PHACTR2: variants seen among roughly 807,000 people sequenced by gnomAD.
The protein encoded by PHACTR2 is phosphatase and actin regulator 2.
In PHACTR2, 30 loss-of-function variants were observed where a neutral mutation model predicts 76.0. The observed-to-expected ratio is 0.39, with a 90% CI of 0.30 to 0.54. The LOEUF is 0.54. Among genes scored for constraint, PHACTR2 ranks in the 20% least tolerant of loss-of-function variants. The pLI is 0.61. For missense variants in PHACTR2, 696 were observed against 781.1 expected (o/e 0.89, Z 1.30); for synonymous variants, 292 against 292.5 (o/e 1.00, Z 0.02).
In PHACTR2 at chr6:143,618,441, C is replaced by T. The variant is rs146170188; in HGVS notation, c.13+10119C>T. ...AATATATGCTTTCTAATAGAAACAG[C>T]GCAATTTAGTAAAACCATCTTTTAC... On this transcript the variant is annotated intron_variant, in intron 1 of 11. Transcript: ENST00000305766. This position sits in a 1 kb window ranked among gnomAD's most constrained non-coding sequence, Gnocchi z 5.2. 1.4e-4 allele frequency among the ~76,000 whole-genome samples: 21 copies of T among 152,188 alleles called. No homozygotes were observed. The highest frequency in any genetic ancestry group is 1.2e-3 in the Admixed American group (19 of 15,276).
rs1775772280 is a variant in PHACTR2, at chr6:143,597,959, T to A, written c.217+60752T>A. Among the ~76,000 whole-genome samples the A allele has an allele frequency of 6.6e-6, 1 of 152,170 alleles. No homozygotes were observed. The highest frequency in any genetic ancestry group is 2.4e-5 in the African/African-American group (1 of 41,440). On this transcript the variant is annotated intron_variant, in intron 1 of 11. Coordinates refer to the PHACTR2 transcript ENST00000367584. The surrounding 1 kb of genome is among the most constrained non-coding windows in gnomAD (Gnocchi z 5.7). ...CAGCACGCAAGACTTCAGGTGCACCTACGGAAGTAGCGGTGGGGGCTTTGG... is the reference window on the plus strand; with the variant it reads ...CAGCACGCAAGACTTCAGGTGCACCAACGGAAGTAGCGGTGGGGGCTTTGG...
At chr6:143,808,631 A>T (rs1297220379) in intron 12 of PHACTR2, among the ~76,000 whole-genome samples, 1 of 152,164 alleles carries the variant, frequency 6.6e-6, no homozygotes, top group East Asian at 1.9e-4. Flanking sequence ...CAGGGACTTG[A>T]GGAATCCATG....
chr6:143,582,273 T>C (rs1482377823), intron 1 of PHACTR2, among the ~76,000 whole-genome samples: 1 of 152,088 alleles, frequency 6.6e-6, no homozygotes, highest in African/African-American at 2.4e-5. Context: ...CAACTAAACA[T>C]GAGTTCAGAA....
Position 143,772,748 on chromosome 6 carries a change from CAG to C in PHACTR2, c.1432+295_1432+296del, listed in dbSNP as rs1005444627. On this transcript the variant is annotated intron_variant, in intron 7 of 12. Transcript: ENST00000440869. The surrounding 1 kb of genome is among the most constrained non-coding windows in gnomAD (Gnocchi z 5.4). The stretch of plus-strand genomic sequence containing the variant: ...GCTGAGAATCAAAGCTTTCTAATAA[CAG>C]AGACCTTTCTCACTATGACCAAAGA... 7.2e-5 allele frequency among the ~76,000 whole-genome samples: 11 copies of C among 152,298 alleles called. No individual in the cohort carries two copies. Among genetic ancestry groups the C allele is most frequent in the Admixed American group, 6.5e-4 (10 of 15,290 alleles).
chr6:143,779,083 C>G (rs562748699), intron 9 of PHACTR2, among the ~76,000 whole-genome samples: 10 of 152,232 alleles, frequency 6.6e-5, no homozygotes, highest in African/African-American at 2.2e-4. Context: ...AGGCTGATAA[C>G]TGGCTTATGA....
chr6:143,640,740 A>G (rs1776549991), intron 1 of PHACTR2, among the ~76,000 whole-genome samples: 1 of 152,208 alleles, frequency 6.6e-6, no homozygotes, highest in Admixed American at 6.5e-5. Flanking sequence ...TGTGTAGTGG[A>G]CTGCATAGTG....
At chr6:143,792,065 G>A (rs1775703743) in intron 11 of PHACTR2, among the ~76,000 whole-genome samples, 1 of 152,086 alleles carries the variant, frequency 6.6e-6, no homozygotes, top group Non-Finnish European at 1.5e-5. Context: ...TATGGAGAGA[G>A]AATTATTTAT....
chr6:143,715,258 A>G (rs967526228), intron 2 of PHACTR2, among the ~76,000 whole-genome samples: 1 of 152,142 alleles, frequency 6.6e-6, no homozygotes, highest in Non-Finnish European at 1.5e-5. Context: ...TTAATTTACA[A>G]AAGCTACCAT....
At position 143,678,225 on chromosome 6, in the gene PHACTR2, A is replaced by G. The variant is rs1369283400; in HGVS notation, c.46+16A>G. The G allele has an allele frequency of 3.4e-6, 5 of 1,490,296 alleles. No homozygotes were observed. The South Asian group carries it at 3.8e-5, about 11-fold the overall frequency. 92.3% of individuals were successfully genotyped at this position (1,490,296 alleles called of 1,614,324 possible). A position where few individuals can be genotyped will look rare whatever the true frequency, so the allele number is the denominator to read the frequency against. ...CCCGGCAGCGGTGAGTCCGGGGCGC[A>G]CGCGATGCGCTCCCGCCGCGCGGGC... On this transcript the variant is annotated intron_variant, in intron 1 of 12. Coordinates refer to ENST00000440869, the MANE Select transcript of PHACTR2 (RefSeq NM_001100164.2). This position sits in a 1 kb window ranked among gnomAD's most constrained non-coding sequence, Gnocchi z 6.2.
In PHACTR2 at chr6:143,820,124, C is replaced by T. The variant is rs1445310035; in HGVS notation, c.1923-3550C>T. Among the ~76,000 whole-genome samples the T allele has an allele frequency of 3.3e-5, 5 of 152,114 alleles. No homozygotes were observed. Among genetic ancestry groups the T allele is most frequent in the African/African-American group, 1.2e-4 (5 of 41,414 alleles). On this transcript the variant is annotated intron_variant, in intron 12 of 12. Coordinates refer to ENST00000440869, the MANE Select transcript of PHACTR2 (RefSeq NM_001100164.2). This position sits in a 1 kb window ranked among gnomAD's most constrained non-coding sequence, Gnocchi z 4.2. Reference sequence around the variant, plus strand: ...AGTACCAAGCCATAGGGATCCACCCCCAGGACCCAAACACCTCCCAGCCCC... The same window carrying T: ...AGTACCAAGCCATAGGGATCCACCCTCAGGACCCAAACACCTCCCAGCCCC...
rs532035365 is a variant in PHACTR2, at chr6:143,774,632, C to T, written c.1589+417C>T. On this transcript the variant is annotated intron_variant, in intron 8 of 12. Transcript: ENST00000440869. The surrounding 1 kb of genome is among the most constrained non-coding windows in gnomAD (Gnocchi z 5.4). ...TTTGGCCTGCAGATCACAGTTTGCT[C>T]AACAATCCTGGCCTAATTTATGGAC... Among the ~76,000 whole-genome samples the T allele has an allele frequency of 4.6e-5, 7 of 152,292 alleles. No homozygotes were observed. The highest frequency in any genetic ancestry group is 2.6e-4 in the Admixed American group (4 of 15,298).
At position 143,775,864 on chromosome 6, in the gene PHACTR2, C is replaced by T. The variant is rs960565688; in HGVS notation, c.1590-1464C>T. ...AGTTTTTGTTAAAATCCTAAACAAACGAGGAGTTGTAATCCCAGCACTTTG... is the reference window on the plus strand; with the variant it reads ...AGTTTTTGTTAAAATCCTAAACAAATGAGGAGTTGTAATCCCAGCACTTTG... On this transcript the variant is annotated intron_variant, in intron 8 of 12. Coordinates refer to ENST00000440869, the MANE Select transcript of PHACTR2 (RefSeq NM_001100164.2). The surrounding 1 kb of genome is among the most constrained non-coding windows in gnomAD (Gnocchi z 4.4). 2.6e-5 allele frequency among the ~76,000 whole-genome samples: 4 copies of T among 152,126 alleles called. No homozygotes were observed. The highest frequency in any genetic ancestry group is 4.4e-5 in the Non-Finnish European group (3 of 68,020).
At position 143,787,173 on chromosome 6, in the gene PHACTR2, G is replaced by T. The variant is rs371127962; in HGVS notation, c.1708-1600G>T. On this transcript the variant is annotated intron_variant, in intron 10 of 12. Coordinates refer to ENST00000440869, the MANE Select transcript of PHACTR2 (RefSeq NM_001100164.2). This position sits in a 1 kb window ranked among gnomAD's most constrained non-coding sequence, Gnocchi z 4.6. ...CCTCCACCATACATAGCTCCATGCC[G>T]TAGGTGCAGGTCAGCCCGTAGCACT... 4.7e-4 allele frequency among the ~76,000 whole-genome samples: 71 copies of T among 152,218 alleles called. No individual in the cohort carries two copies. The highest frequency in any genetic ancestry group is 7.8e-4 in the Non-Finnish European group (53 of 68,032).
chr6:143,797,200 A>C (rs1775846469), intron 11 of PHACTR2, among the ~76,000 whole-genome samples: 1 of 152,156 alleles, frequency 6.6e-6, no homozygotes, highest in African/African-American at 2.4e-5. Flanking sequence ...TGGCTGCATA[A>C]ATGTCTTCAT....
chr6:143,690,865 T>A (rs1328959398), intron 1 of PHACTR2, among the ~76,000 whole-genome samples: 2 of 152,252 alleles, frequency 1.3e-5, no homozygotes, highest in Non-Finnish European at 2.9e-5. Flanking sequence ...ACATTTAAGA[T>A]CTACATTGAA....
rs1371637241 is a variant in PHACTR2, at chr6:143,581,533, C to G, written c.217+44326C>G. Among the ~76,000 whole-genome samples, 1 of 152,060 alleles carries G rather than the reference C, an allele frequency of 6.6e-6. No individual in the cohort carries two copies. The highest frequency in any genetic ancestry group is 2.4e-5 in the African/African-American group (1 of 41,394). ...GCCTGGAGAAGAAGCTCTTTTTCCA[C>G]TGAAACAGGAGGAATGGCGGGAAGG... On this transcript the variant is annotated intron_variant, in intron 1 of 11. Coordinates refer to the PHACTR2 transcript ENST00000367584. The surrounding 1 kb of genome is among the most constrained non-coding windows in gnomAD (Gnocchi z 4.5).
chr6:143,711,169 G>T, intron 1 of PHACTR2: 1 of 382,728 alleles, frequency 2.6e-6, no homozygotes. Context: ...GGTTATTTCT[G>T]CCTCCAAGAA....
In PHACTR2 at chr6:143,608,214, C is replaced by A; in HGVS notation, c.-96C>A. On this transcript the variant is annotated 5_prime_UTR_variant, in exon 1 of 12. Transcript: ENST00000305766. This position sits in a 1 kb window ranked among gnomAD's most constrained non-coding sequence, Gnocchi z 4.6. Reference sequence around the variant, plus strand: ...AGTATGCTCAGTGTGCCAGCAAGGGCTGATAATCAGCAGAAGGACAGGGTG... The same window carrying A: ...AGTATGCTCAGTGTGCCAGCAAGGGATGATAATCAGCAGAAGGACAGGGTG... 7.8e-7 allele frequency: 1 copy of A among 1,279,256 alleles called. No individual in the cohort carries two copies. Among genetic ancestry groups the A allele is most frequent in the Non-Finnish European group, 1.1e-6 (1 of 879,266 alleles). The allele number at this position is 1,279,256 out of a possible 1,614,324, so 79.2% of individuals were successfully genotyped here. A position where few individuals can be genotyped will look rare whatever the true frequency, so the allele number is the denominator to read the frequency against.
chr6:143,649,646 G>C (rs113103156), intron 1 of PHACTR2, among the ~76,000 whole-genome samples: 2 of 151,926 alleles, frequency 1.3e-5, no homozygotes, highest in African/African-American at 4.8e-5. Context: ...ATTCAACATC[G>C]CTTCATGTTA....
Sources: gnomAD v4.1 joint callset for allele counts (sites outside exome capture counted in the v4.1 genomes callset) on GRCh38, gnomAD v4.1.1 for gene constraint, Gnocchi (gnomAD v3.1) non-coding constraint, MANE v1.5 for transcripts, NCBI Gene and HGNC (gene_info 2026-07-23, HGNC 2026-07-21) for gene names.